The following DCC variants were observed in gnomAD, a reference collection of about 807,000 sequenced individuals.
DCC encodes DCC netrin 1 receptor, also known as netrin receptor DCC.
A neutral mutation model predicts 172.5 loss-of-function variants in DCC; 58 were observed. The observed-to-expected ratio is 0.34, with a 90% CI of 0.27 to 0.42. The LOEUF is 0.42. DCC is among the 10% of genes least tolerant of loss of function. The pLI, the probability that DCC is intolerant of heterozygous loss-of-function variation, is 1.00. For missense variants in DCC, 1,740 were observed against 1,791.0 expected, an observed-to-expected ratio of 0.97 and a Z score of 0.51; for synonymous variants, 709 against 644.5, an observed-to-expected ratio of 1.10 and a Z score of -1.52.
chr18:52,855,763 C>CTTTTT lies in DCC; in HGVS notation c.413-50266_413-50262dup, dbSNP rs71175526. ...GACTTAAAACATTAGCGTATAAATTCTTTTTTTTTTTTTTTTTTTGAGATG... is the reference window on the plus strand; with the variant it reads ...GACTTAAAACATTAGCGTATAAATTCTTTTTTTTTTTTTTTTTTTTTTTTGAGATG... On this transcript the variant is annotated intron_variant, in intron 2 of 28. Transcript: ENST00000442544. Among the ~76,000 whole-genome samples the CTTTTT allele has an allele frequency of 1.1e-3, 137 of 121,208 alleles. 2 individuals carry two copies. The highest frequency in any genetic ancestry group is 1.9e-3 in the Non-Finnish European group (115 of 59,016). The allele number at this position is 121,208 out of a possible 152,430, so 79.5% of individuals were successfully genotyped here.
chr18:52,411,442 A>G (rs1243154496), intron 1 of DCC, among the ~76,000 whole-genome samples: 1 of 152,174 alleles, frequency 6.6e-6, no homozygotes, highest in Admixed American at 6.5e-5. Flanking sequence ...TGAGGCAACC[A>G]GTGCTCTCTG....
chr18:52,434,841 C>T (rs768878261), intron 1 of DCC, among the ~76,000 whole-genome samples: 2 of 152,142 alleles, frequency 1.3e-5, no homozygotes, highest in African/African-American at 4.8e-5. Flanking sequence ...GGAGGCCTCC[C>T]TGATTCTGCA....
chr18:52,844,872 A>C (rs1298890797), intron 2 of DCC, among the ~76,000 whole-genome samples: 1 of 152,262 alleles, frequency 6.6e-6, no homozygotes, highest in East Asian at 1.9e-4. Flanking sequence ...TCTCTGGACA[A>C]GAAGTTCTGA....
intron 3 of DCC, 72 bp downstream of exon 3, chr18:52,906,400 A>G (rs1009317669): frequency 1.4e-6 from 2 of 1,481,446 alleles, no homozygotes; most frequent in African/African-American, 1.4e-5. Flanking sequence ...TTTTTTCTTT[A>G]ACAGATATTT....
chr18:52,654,726 T>C (rs933772942), intron 1 of DCC, among the ~76,000 whole-genome samples: 2 of 152,060 alleles, frequency 1.3e-5, no homozygotes, highest in African/African-American at 4.8e-5. Context: ...GTATATGGAT[T>C]TTGGTGGGGG....
At position 52,497,274 on chromosome 18, in the gene DCC, A is replaced by T. The variant is rs1467768238; in HGVS notation, c.91+156396A>T. 8.3e-5 allele frequency among the ~76,000 whole-genome samples: 7 copies of T among 84,170 alleles called. 1 individual carries two copies. The highest frequency in any genetic ancestry group is 3.0e-4 in the Admixed American group (2 of 6,604). The allele number at this position is 84,170 out of a possible 152,430, so 55.2% of individuals were successfully genotyped here. A position where few individuals can be genotyped will look rare whatever the true frequency, so the allele number is the denominator to read the frequency against. On this transcript the variant is annotated intron_variant, in intron 1 of 28. Transcript: ENST00000442544. Reference sequence around the variant, plus strand: ...AGACCCTGTATCAAAAAAAAAAAAAAAAAAAAATATATATATATATATATA... The same window carrying T: ...AGACCCTGTATCAAAAAAAAAAAAATAAAAAAATATATATATATATATATA...
chr18:53,164,896 T>G (rs1406435034), intron 8 of DCC, among the ~76,000 whole-genome samples: 1 of 152,168 alleles, frequency 6.6e-6, no homozygotes, highest in Non-Finnish European at 1.5e-5. Context: ...GAGTATGCCT[T>G]TCTCTGTTCA....
intron 5 of DCC, among the ~76,000 whole-genome samples, chr18:52,977,038 G>A (rs1330755710): frequency 6.6e-6 from 1 of 152,138 alleles, no homozygotes; most frequent in Non-Finnish European, 1.5e-5. Context: ...GGAGAACAAA[G>A]TTTCTCCCTC....
At position 52,340,525 on chromosome 18, in the gene DCC, C is replaced by T. The variant is rs901056405; in HGVS notation, c.-263C>T. ...TTGAGTTAGTTTTCTAAGGTTTTAC[C>T]GGGGCTCGGGATCTCTTGGACCGAA... On this transcript the variant is annotated 5_prime_UTR_variant, in exon 1 of 29. Coordinates refer to ENST00000442544, the MANE Select transcript of DCC (RefSeq NM_005215.4). 2 of 559,692 alleles carry T rather than the reference C, an allele frequency of 3.6e-6. No homozygotes were observed. The highest frequency in any genetic ancestry group is 6.4e-6 in the Non-Finnish European group (2 of 312,162). 34.7% of individuals were successfully genotyped at this position (559,692 alleles called of 1,614,324 possible).
chr18:53,465,087 A>G (rs2045604493), intron 24 of DCC, among the ~76,000 whole-genome samples: 2 of 152,038 alleles, frequency 1.3e-5, no homozygotes, highest in South Asian at 4.1e-4. Context: ...ATAGTGTTTT[A>G]ATGTTTGCTT....
At position 52,982,114 on chromosome 18, in the gene DCC, G is replaced by T. The variant is rs969179857; in HGVS notation, c.985+56744G>T. Among the ~76,000 whole-genome samples the T allele has an allele frequency of 5.3e-5, 8 of 152,116 alleles. No homozygotes were observed. In the South Asian group the frequency reaches 6.2e-4, roughly 12 times the overall value. ...AAGGACTTTGGACTCAGTTGCTGGA[G>T]GTGTTGAGCAGGGGACCAAAATGAA... On this transcript the variant is annotated intron_variant, in intron 5 of 28. Coordinates refer to ENST00000442544, the MANE Select transcript of DCC (RefSeq NM_005215.4).
intron 5 of DCC, among the ~76,000 whole-genome samples, chr18:52,938,516 G>A (rs1264751485): frequency 6.6e-6 from 1 of 152,014 alleles, no homozygotes; most frequent in African/African-American, 2.4e-5. Flanking sequence ...TTCTTGAGGG[G>A]AGCTCAAGAA....
At chr18:52,568,222 T>G (rs545333198) in intron 1 of DCC, among the ~76,000 whole-genome samples, 1 of 152,198 alleles carries the variant, frequency 6.6e-6, no homozygotes, top group East Asian at 1.9e-4. Flanking sequence ...GTTATTTTCC[T>G]TAGAAAAATA....
chr18:52,455,571 CTA>C (rs1407962020), intron 1 of DCC, among the ~76,000 whole-genome samples: 2 of 152,166 alleles, frequency 1.3e-5, no homozygotes, highest in Admixed American at 6.5e-5. Context: ...GCCTCCAATT[CTA>C]TGTGTTATGG....
chr18:52,649,426 A>G (rs910768868), intron 1 of DCC, among the ~76,000 whole-genome samples: 1 of 126,568 alleles, frequency 7.9e-6, no homozygotes, highest in Admixed American at 7.8e-5. Context: ...TAATGAGATT[A>G]TATCTTTTTT....
At chr18:53,148,382 G>A (rs572639113) in intron 7 of DCC, among the ~76,000 whole-genome samples, 2 of 152,312 alleles carry the variant, frequency 1.3e-5, no homozygotes, top group Admixed American at 6.5e-5. Context: ...CTGGTGACAA[G>A]GGAGTGATTG....
intron 5 of DCC, among the ~76,000 whole-genome samples, chr18:52,939,561 A>G (rs2040430044): frequency 6.6e-6 from 1 of 152,182 alleles, no homozygotes; most frequent in Non-Finnish European, 1.5e-5. Context: ...ATCCACATTG[A>G]TGTTTTCATA....
intron 2 of DCC, among the ~76,000 whole-genome samples, chr18:52,887,227 T>G (rs1457944636): frequency 3.3e-5 from 5 of 152,230 alleles, no homozygotes; most frequent in African/African-American, 1.2e-4. Context: ...GTTATCACTC[T>G]GCAACTTTTA....
At chr18:53,044,801 A>G (rs1317959439) in intron 5 of DCC, among the ~76,000 whole-genome samples, 1 of 151,880 alleles carries the variant, frequency 6.6e-6, no homozygotes, top group Non-Finnish European at 1.5e-5. Flanking sequence ...AAAAATATGC[A>G]TGCAATAGTA....
Sources: allele counts gnomAD v4.1 joint callset (sites outside exome capture counted in the v4.1 genomes callset), GRCh38; gene constraint gnomAD v4.1.1; transcripts MANE v1.5; gene names NCBI Gene and HGNC (gene_info 2026-07-23, HGNC 2026-07-21).